Variants in TENT5D observed in about 807,000 individuals in gnomAD.
The protein encoded by TENT5D is cancer/testis antigen 112.
For synonymous variants in TENT5D, 103 were observed against 100.6 expected (o/e 1.02, Z -0.15); for missense variants, 191 against 287.0 (o/e 0.67, Z 2.42).
At chrX:80,443,488 G>C (rs1569377170) in exon 3 of TENT5D, 2 of 1,210,935 alleles carry the variant, frequency 1.7e-6, no homozygotes, top group Non-Finnish European at 2.2e-6. Context: ...CATGAGTTAT[G>C]AAAGAAGACA....
chrX:80,358,168 G>A (rs1201100397), intron 3 of TENT5D, among the ~76,000 whole-genome samples: 34 of 111,489 alleles, frequency 3.0e-4, no homozygotes, highest in Admixed American at 3.0e-3. Context: ...ATTAATTCAA[G>A]ATGGATTAAA....
At chrX:80,369,096 G>A (rs1453061227) in intron 3 of TENT5D, among the ~76,000 whole-genome samples, 1 of 111,681 alleles carries the variant, frequency 9.0e-6, no homozygotes, top group East Asian at 2.8e-4. Context: ...TACACATTGT[G>A]GTTATTTTTG....
intron 3 of TENT5D, among the ~76,000 whole-genome samples, chrX:80,352,104 C>G (rs756349463): frequency 2.7e-4 from 30 of 112,087 alleles, no homozygotes; most frequent in Non-Finnish European, 3.0e-4. Context: ...GAGGTATTCT[C>G]CCAGTCAGGA....
chrX:80,351,351 G>GT (rs906696768), intron 3 of TENT5D, among the ~76,000 whole-genome samples: 22 of 103,390 alleles, frequency 2.1e-4, no homozygotes, highest in South Asian at 4.3e-4. Flanking sequence ...CCGTTTCAAT[G>GT]TTTTTTTTTT....
intron 3 of TENT5D, among the ~76,000 whole-genome samples, chrX:80,354,877 C>T (rs1441949938): frequency 8.9e-6 from 1 of 111,783 alleles, no homozygotes; most frequent in Non-Finnish European, 1.9e-5. Flanking sequence ...TTCGATGGGG[C>T]GTTTTACTTT....
intron 3 of TENT5D, among the ~76,000 whole-genome samples, chrX:80,361,708 G>C (rs1930408001): frequency 8.9e-6 from 1 of 111,997 alleles, no homozygotes; most frequent in Non-Finnish European, 1.9e-5. Context: ...TAAGTAGCCT[G>C]AGTTGCATCA....
upstream of TENT5D, among the ~76,000 whole-genome samples, chrX:80,415,963 T>C (rs189957451): frequency 3.1e-3 from 351 of 111,884 alleles, 3 homozygotes; most frequent in African/African-American, 0.011. Flanking sequence ...ACTGATTTGA[T>C]TTTAGAACTC....
intron 3 of TENT5D, among the ~76,000 whole-genome samples, chrX:80,391,485 T>G (rs1359940870): frequency 8.9e-6 from 1 of 112,082 alleles, no homozygotes; most frequent in Non-Finnish European, 1.9e-5. Context: ...TACTCCAACT[T>G]AAAGTAAAAA....
chrX:80,436,450 G>A (rs1272180564), intron 1 of TENT5D, among the ~76,000 whole-genome samples: 1 of 110,524 alleles, frequency 9.0e-6, no homozygotes, highest in Non-Finnish European at 1.9e-5. Flanking sequence ...GTGCAGGTTT[G>A]TTACATAGGT....
chrX:80,418,609 T>A (rs1477312351), upstream of TENT5D, among the ~76,000 whole-genome samples: 2 of 111,686 alleles, frequency 1.8e-5, no homozygotes, highest in Non-Finnish European at 3.8e-5. Flanking sequence ...TCCTTCCTCC[T>A]ATCTTCTTTC....
chrX:80,337,580 C>T (rs1450709900), intron 2 of TENT5D, among the ~76,000 whole-genome samples: 2 of 110,946 alleles, frequency 1.8e-5, no homozygotes, highest in Non-Finnish European at 1.9e-5. Context: ...AGGTATGGCT[C>T]GCTTATTCAT....
chrX:80,368,504 T>C (rs888976439), intron 3 of TENT5D, among the ~76,000 whole-genome samples: 23 of 112,033 alleles, frequency 2.1e-4, no homozygotes, highest in African/African-American at 7.1e-4. Flanking sequence ...TTTTATCTTG[T>C]TGGTCTGTCA....
At chrX:80,385,927 G>T (rs1331031922) in intron 3 of TENT5D, among the ~76,000 whole-genome samples, 3 of 112,042 alleles carry the variant, frequency 2.7e-5, no homozygotes, top group African/African-American at 3.2e-5. Context: ...GAAACAACAG[G>T]TGCTGGAGAG....
intron 3 of TENT5D, among the ~76,000 whole-genome samples, chrX:80,377,035 A>G (rs968896939): frequency 1.2e-3 from 131 of 110,327 alleles, no homozygotes; most frequent in African/African-American, 3.9e-3. Flanking sequence ...TATTTTTTTC[A>G]TGTTTAGTCT....
chrX:80,347,127 G>T (rs1271172544), intron 3 of TENT5D, among the ~76,000 whole-genome samples: 3 of 111,502 alleles, frequency 2.7e-5, no homozygotes, highest in African/African-American at 9.8e-5. Context: ...AAATATTGCT[G>T]CAATAAACAT....
At chrX:80,427,819 G>A (rs1602221355) in intron 1 of TENT5D, among the ~76,000 whole-genome samples, 2 of 112,013 alleles carry the variant, frequency 1.8e-5, no homozygotes, top group African/African-American at 6.5e-5. Flanking sequence ...CCCAAAATGG[G>A]ATTTGTGGTG....
intron 3 of TENT5D, among the ~76,000 whole-genome samples, chrX:80,397,167 C>T (rs1382950492): frequency 9.7e-6 from 1 of 103,223 alleles, no homozygotes; most frequent in Non-Finnish European, 2.0e-5. Flanking sequence ...CTCCTCACTT[C>T]TCAGATGGGG....
chrX:80,373,277 A>G (rs893780497), intron 3 of TENT5D, among the ~76,000 whole-genome samples: 1 of 110,911 alleles, frequency 9.0e-6, no homozygotes, highest in African/African-American at 3.3e-5. Context: ...TGGACTTTAT[A>G]GTTTAGGGAT....
intron 2 of TENT5D, among the ~76,000 whole-genome samples, chrX:80,342,206 A>G (rs980808819): frequency 8.9e-6 from 1 of 111,822 alleles, no homozygotes; most frequent in Admixed American, 9.5e-5. Flanking sequence ...TTGGCCTTAG[A>G]TGACAGCAAC....
Sources: allele counts gnomAD v4.1 joint callset (sites outside exome capture counted in the v4.1 genomes callset), GRCh38; gene constraint gnomAD v4.1.1; transcripts MANE v1.5; gene names NCBI Gene and HGNC (gene_info 2026-07-23, HGNC 2026-07-21).